Variants in LRMDA observed in about 807,000 individuals in gnomAD.
The protein encoded by LRMDA is leucine rich melanocyte differentiation associated.
In LRMDA, 18 loss-of-function variants were observed where a neutral mutation model predicts 29.8. That is an observed-to-expected ratio of 0.60 (90% CI 0.42 to 0.90). The LOEUF is 0.90. Ranked by LOEUF, LRMDA falls within the 40% of genes least tolerant of loss-of-function variation. The probability of loss-of-function intolerance (pLI) is 0.00; values close to 1 mark genes in which losing one functional copy is unlikely to be tolerated. For synonymous variants in LRMDA, 125 were observed against 109.4 expected, an observed-to-expected ratio of 1.14 and a Z score of -0.89; for missense variants, 273 against 273.9, an observed-to-expected ratio of 1.00 and a Z score of 0.02.
intron 2 of LRMDA, among the ~76,000 whole-genome samples, chr10:76,011,728 TGTGGAGTG>T (rs1460065851): frequency 6.6e-6 from 1 of 152,206 alleles, no homozygotes; most frequent in Non-Finnish European, 1.5e-5. Flanking sequence ...GCCCTTCCCC[TGTGGAGTG>T]GTGGCATCTT....
In LRMDA at chr10:75,776,213, C is replaced by G. The variant is rs146676959; in HGVS notation, c.132-259795C>G. 1.1e-3 allele frequency among the ~76,000 whole-genome samples: 173 copies of G among 152,252 alleles called. 1 individual carries two copies. In the East Asian group the frequency reaches 0.024, roughly 21 times the overall value. On this transcript the variant is annotated intron_variant, in intron 2 of 6. Coordinates refer to ENST00000611255, the MANE Select transcript of LRMDA (RefSeq NM_001305581.2). ...ATTGTGGACCAATGATGGAGAAAGC[C>G]TTTTACAACTGCTGCTATTGCTGCT...
chr10:76,555,430 C>A (rs1843543918), intron 6 of LRMDA, among the ~76,000 whole-genome samples: 1 of 152,156 alleles, frequency 6.6e-6, no homozygotes, highest in African/African-American at 2.4e-5. Context: ...CCACAGTAAA[C>A]TTACTCATGG....
At chr10:76,131,957 G>T (rs993993157) in intron 5 of LRMDA, among the ~76,000 whole-genome samples, 2 of 152,164 alleles carry the variant, frequency 1.3e-5, no homozygotes, top group Non-Finnish European at 2.9e-5. Context: ...GCTGATGATG[G>T]TTAATGTTCC....
intron 5 of LRMDA, among the ~76,000 whole-genome samples, chr10:76,146,573 G>A (rs1234310348): frequency 6.6e-6 from 1 of 151,972 alleles, no homozygotes; most frequent in Non-Finnish European, 1.5e-5. Flanking sequence ...TTTATTTTGA[G>A]CCTATATGTC....
rs181543661 is a variant in LRMDA at position 76,404,299 on chromosome 10, T to G, written c.601+79814T>G. Among the ~76,000 whole-genome samples the G allele has an allele frequency of 2.8e-3, 421 of 152,220 alleles. 2 individuals carry two copies. The highest frequency in any genetic ancestry group is 9.5e-3 in the African/African-American group (393 of 41,514). On this transcript the variant is annotated intron_variant, in intron 6 of 6. Coordinates refer to ENST00000611255, the MANE Select transcript of LRMDA (RefSeq NM_001305581.2). Reference sequence around the variant, plus strand: ...GGCACTTTTTTATTATTATTATGAGTGTTTCACATTCCCCAAAAGAAACAT... The same window carrying G: ...GGCACTTTTTTATTATTATTATGAGGGTTTCACATTCCCCAAAAGAAACAT...
chr10:76,114,851 T>G (rs1849642237), intron 5 of LRMDA, among the ~76,000 whole-genome samples: 1 of 152,202 alleles, frequency 6.6e-6, no homozygotes, highest in Non-Finnish European at 1.5e-5. Context: ...GAGAAGCCCT[T>G]TCTGGAGGCC....
At chr10:75,811,281 C>T (rs1398518854) in intron 2 of LRMDA, among the ~76,000 whole-genome samples, 1 of 152,084 alleles carries the variant, frequency 6.6e-6, no homozygotes, top group East Asian at 1.9e-4. Flanking sequence ...GCAAGCTCCA[C>T]CCCCACCCCT....
intron 4 of LRMDA, 107 bp downstream of exon 4, chr10:76,047,410 G>T: frequency 8.7e-7 from 1 of 1,143,530 alleles, no homozygotes; most frequent in African/African-American, 1.6e-5. Context: ...CATATCAGTG[G>T]GTTTCCCATG....
At chr10:76,381,067 C>T (rs1420359220) in intron 6 of LRMDA, among the ~76,000 whole-genome samples, 2 of 111,138 alleles carry the variant, frequency 1.8e-5, no homozygotes, top group Non-Finnish European at 3.4e-5. Context: ...CCCTAGGTTA[C>T]TCTAATGGTC....
At chr10:75,817,721 G>A (rs1358687138) in intron 2 of LRMDA, among the ~76,000 whole-genome samples, 1 of 152,188 alleles carries the variant, frequency 6.6e-6, no homozygotes, top group Admixed American at 6.5e-5. Context: ...ATAAGCGTTT[G>A]GGAGGGTATT....
intron 2 of LRMDA, among the ~76,000 whole-genome samples, chr10:75,949,675 C>T (rs1247859868): frequency 6.6e-6 from 1 of 152,116 alleles, no homozygotes; most frequent in Admixed American, 6.5e-5. Flanking sequence ...TCCTTGGGCA[C>T]CCTCGATTTG....
At chr10:75,693,341 C>A (rs1488905364) in intron 2 of LRMDA, among the ~76,000 whole-genome samples, 5 of 152,202 alleles carry the variant, frequency 3.3e-5, no homozygotes, top group African/African-American at 1.2e-4. Flanking sequence ...ACTTGTGACA[C>A]CTTGCCCAAT....
intron 5 of LRMDA, among the ~76,000 whole-genome samples, chr10:76,132,966 C>CTTT (rs35997711): frequency 3.0e-4 from 17 of 57,376 alleles, no homozygotes; most frequent in African/African-American, 3.5e-4. Flanking sequence ...CCACGCCCGG[C>CTTT]TTTTTTTTTT....
chr10:75,600,066 ATTACT>A (rs1840862215), intron 2 of LRMDA, among the ~76,000 whole-genome samples: 1 of 152,236 alleles, frequency 6.6e-6, no homozygotes, highest in Non-Finnish European at 1.5e-5. Flanking sequence ...GGAAGATCAA[ATTACT>A]TTACTTAAGG....
chr10:76,213,211 A>G (rs1851667419), intron 5 of LRMDA, among the ~76,000 whole-genome samples: 1 of 152,234 alleles, frequency 6.6e-6, no homozygotes, highest in Non-Finnish European at 1.5e-5. Flanking sequence ...TTGCATTGGC[A>G]TCTAGACCAG....
intron 6 of LRMDA, among the ~76,000 whole-genome samples, chr10:76,479,816 A>G (rs918483606): frequency 6.6e-6 from 1 of 151,898 alleles, no homozygotes; most frequent in Non-Finnish European, 1.5e-5. Context: ...AATATACCCT[A>G]TATGAGCCTT....
intron 5 of LRMDA, among the ~76,000 whole-genome samples, chr10:76,240,550 C>G (rs1444599521): frequency 6.7e-6 from 1 of 149,348 alleles, no homozygotes; most frequent in East Asian, 1.9e-4. Flanking sequence ...CTAGTACAAC[C>G]ACTATGGAAA....
chr10:75,662,480 A>C (rs1841766923), intron 2 of LRMDA, among the ~76,000 whole-genome samples: 1 of 152,234 alleles, frequency 6.6e-6, no homozygotes, highest in Non-Finnish European at 1.5e-5. Flanking sequence ...TATTGAAAAC[A>C]AAGTCTGAAG....
chr10:76,156,097 A>G (rs923564196), intron 5 of LRMDA, among the ~76,000 whole-genome samples: 4 of 152,182 alleles, frequency 2.6e-5, no homozygotes, highest in African/African-American at 9.7e-5. Context: ...ACAGTCAGGA[A>G]CAGAGAATGT....
Sources: allele counts gnomAD v4.1 joint callset (sites outside exome capture counted in the v4.1 genomes callset), GRCh38; gene constraint gnomAD v4.1.1; transcripts MANE v1.5; gene names NCBI Gene and HGNC (gene_info 2026-07-23, HGNC 2026-07-21).